GRM5: variants seen among roughly 807,000 people sequenced by gnomAD.
The protein encoded by GRM5 is metabotropic glutamate receptor 5.
GRM5 carries 19 observed loss-of-function variants against 83.1 expected under a neutral mutation model. The ratio of observed to expected loss-of-function variants is 0.23; its 90% CI spans 0.16 to 0.34. The LOEUF (loss-of-function observed/expected upper bound fraction) is 0.34, where lower values mean the gene tolerates loss of function less well. Ranked by LOEUF, GRM5 falls within the 10% of genes least tolerant of loss-of-function variation. The pLI is 1.00. For missense variants in GRM5, 1,160 were observed against 1,588.3 expected (o/e 0.73, Z 4.58); for synonymous variants, 675 against 633.6 (o/e 1.07, Z -0.98).
chr11:88,798,839 A>G (rs1430516101), intron 3 of GRM5, among the ~76,000 whole-genome samples: 5 of 149,448 alleles, frequency 3.3e-5, no homozygotes, highest in African/African-American at 5.0e-5. Context: ...AACAACAACA[A>G]CAAAAAAAAA....
At chr11:88,560,169 G>A (rs1438814162) in intron 8 of GRM5, among the ~76,000 whole-genome samples, 1 of 152,148 alleles carries the variant, frequency 6.6e-6, no homozygotes, top group African/African-American at 2.4e-5. Flanking sequence ...TTCCTATTAT[G>A]CAAAAGAACT....
intron 3 of GRM5, among the ~76,000 whole-genome samples, chr11:88,666,100 C>T (rs1372011190): frequency 1.3e-5 from 2 of 152,064 alleles, no homozygotes; most frequent in African/African-American, 4.8e-5. Context: ...AATTTGTAGG[C>T]ATTTACTGAA....
At chr11:88,615,252 C>G (rs1042534856) in intron 4 of GRM5, among the ~76,000 whole-genome samples, 4 of 152,122 alleles carry the variant, frequency 2.6e-5, no homozygotes, top group Admixed American at 1.3e-4. Flanking sequence ...GCAAACTCCT[C>G]CCCCTCAAAA....
intron 3 of GRM5, among the ~76,000 whole-genome samples, chr11:88,693,253 G>T (rs547630426): frequency 4.1e-4 from 62 of 152,200 alleles, no homozygotes; most frequent in Middle Eastern, 6.8e-3. Context: ...GAGAGAAATA[G>T]TTCTGAGCTT....
At chr11:88,711,468 G>A (rs1039608142) in intron 3 of GRM5, among the ~76,000 whole-genome samples, 4 of 152,050 alleles carry the variant, frequency 2.6e-5, no homozygotes, top group Non-Finnish European at 4.4e-5. Context: ...TAATCAAATG[G>A]CAAAGAGAAG....
intron 3 of GRM5, among the ~76,000 whole-genome samples, chr11:88,843,095 A>G (rs1341690383): frequency 6.6e-6 from 1 of 152,154 alleles, no homozygotes; most frequent in East Asian, 1.9e-4. Flanking sequence ...CTCCACAGAT[A>G]TTGCATTTTT....
chr11:88,645,213 G>T (rs1939408026), intron 4 of GRM5, among the ~76,000 whole-genome samples: 1 of 151,968 alleles, frequency 6.6e-6, no homozygotes, highest in African/African-American at 2.4e-5. Context: ...TTCCTTGGGG[G>T]AACAAAAAAT....
chr11:88,657,798 C>T (rs186116847), intron 3 of GRM5, among the ~76,000 whole-genome samples: 1 of 152,078 alleles, frequency 6.6e-6, no homozygotes, highest in Admixed American at 6.6e-5. Context: ...TATTAAATAT[C>T]TACCCATCTT....
intron 3 of GRM5, among the ~76,000 whole-genome samples, chr11:88,815,449 G>T (rs1379642146): frequency 6.6e-6 from 1 of 152,150 alleles, no homozygotes; most frequent in East Asian, 1.9e-4. Flanking sequence ...TATTAGAAAA[G>T]AAAGAAGGTT....
chr11:88,684,773 T>C (rs889873566), intron 3 of GRM5, among the ~76,000 whole-genome samples: 5 of 152,222 alleles, frequency 3.3e-5, no homozygotes, highest in African/African-American at 1.2e-4. Context: ...CAAGATCTGA[T>C]GGTTTTATCA....
chr11:88,766,601 C>T (rs1180509751), intron 3 of GRM5, among the ~76,000 whole-genome samples: 3 of 151,904 alleles, frequency 2.0e-5, no homozygotes, highest in African/African-American at 7.2e-5. Context: ...CTATAAAAAT[C>T]CTGGAAGATA....
chr11:88,799,778 C>T (rs1943354349), intron 3 of GRM5, among the ~76,000 whole-genome samples: 1 of 152,124 alleles, frequency 6.6e-6, no homozygotes, highest in South Asian at 2.1e-4. Context: ...AAGATTTCTC[C>T]TTTTTCTTAT....
chr11:89,019,875 T>C (rs1940941802), intron 2 of GRM5, among the ~76,000 whole-genome samples: 1 of 152,194 alleles, frequency 6.6e-6, no homozygotes, highest in African/African-American at 2.4e-5. Flanking sequence ...AAAGAGGCTG[T>C]ACTGCCTGAG....
intron 2 of GRM5, among the ~76,000 whole-genome samples, chr11:88,990,812 AC>A (rs1591026872): frequency 1.3e-5 from 2 of 151,414 alleles, no homozygotes; most frequent in Non-Finnish European, 2.9e-5. Context: ...AAATTCAACA[AC>A]CCTTCATGCT....
At chr11:88,851,932 C>G (rs553356341) in intron 2 of GRM5, among the ~76,000 whole-genome samples, 63 of 152,234 alleles carry the variant, frequency 4.1e-4, no homozygotes, top group African/African-American at 1.4e-3. Context: ...AAAAATGTGC[C>G]AAAGGGCCTA....
At chr11:88,641,195 C>A (rs1354185030) in intron 4 of GRM5, among the ~76,000 whole-genome samples, 1 of 151,966 alleles carries the variant, frequency 6.6e-6, no homozygotes, top group African/African-American at 2.4e-5. Context: ...GAGGCTGGGA[C>A]AAGTGCCACA....
intron 7 of GRM5, among the ~76,000 whole-genome samples, chr11:88,572,750 A>AT (rs1181755763): frequency 1.3e-5 from 2 of 151,964 alleles, no homozygotes; most frequent in Admixed American, 6.6e-5. Context: ...ATCACTGGGC[A>AT]TTTTTTCCAT....
chr11:89,042,397 G>A (rs1941555093), intron 2 of GRM5, among the ~76,000 whole-genome samples: 1 of 152,144 alleles, frequency 6.6e-6, no homozygotes, highest in South Asian at 2.1e-4. Context: ...ACACAACTCT[G>A]CAACTAATTA....
intron 2 of GRM5, among the ~76,000 whole-genome samples, chr11:88,867,268 G>C (rs1590924917): frequency 6.6e-6 from 1 of 151,802 alleles, no homozygotes; most frequent in East Asian, 1.9e-4. Flanking sequence ...GCTTGATGGG[G>C]ATAGCATTAA....
Sources: allele counts gnomAD v4.1 joint callset (sites outside exome capture counted in the v4.1 genomes callset), GRCh38; gene constraint gnomAD v4.1.1; transcripts MANE v1.5; gene names NCBI Gene and HGNC (gene_info 2026-07-23, HGNC 2026-07-21).